Variants in PTPRT observed in about 807,000 individuals in gnomAD.
PTPRT encodes the protein receptor-type tyrosine-protein phosphatase T.
Under a neutral mutation model 176.8 loss-of-function variants are expected in PTPRT, and 56 were observed. The observed-to-expected ratio is 0.32, with a 90% confidence interval of 0.26 to 0.40. PTPRT has a LOEUF of 0.40. Among genes scored for constraint, PTPRT ranks in the 10% least tolerant of loss-of-function variants. The pLI is 1.00. For synonymous variants in PTPRT, 783 were observed against 739.0 expected (o/e 1.06, Z -0.96); for missense variants, 1,540 against 1,908.2 (o/e 0.81, Z 3.60).
intron 7 of PTPRT, among the ~76,000 whole-genome samples, chr20:42,535,561 G>A (rs189412933): frequency 4.0e-4 from 61 of 152,300 alleles, no homozygotes; most frequent in Admixed American, 3.8e-3. Flanking sequence ...ATTACTTCTA[G>A]ACAGCTAGCT....
At chr20:42,171,292 A>G (rs1990070444) in intron 16 of PTPRT, among the ~76,000 whole-genome samples, 5 of 152,202 alleles carry the variant, frequency 3.3e-5, no homozygotes, top group Admixed American at 2.6e-4. Context: ...TTGATTTGGT[A>G]AACACAGATA....
rs574411798 is a variant in PTPRT, at chr20:42,141,711, C to G, written c.2770+204G>C. 6.6e-5 allele frequency among the ~76,000 whole-genome samples: 10 copies of G among 152,162 alleles called. No homozygotes were observed. In the South Asian group the frequency reaches 1.9e-3, roughly 28 times the overall value. ...CCTGACCCATCTCCCTGCCTGCTCC[C>G]TCTGGCTGAGATCAGCCATGCTCTG... On this transcript the variant is annotated intron_variant, in intron 18 of 30. Transcript: ENST00000373187.
chr20:42,363,282 ATATATATATATATATATATTTTTTT>A (rs1425824358), intron 9 of PTPRT, among the ~76,000 whole-genome samples: 8 of 16,056 alleles, frequency 5.0e-4, no homozygotes, highest in African/African-American at 2.3e-3. Flanking sequence ...ATATATATAT[ATATATATATATATATATATTTTTTT>A]TTTTTTTTTT....
intron 1 of PTPRT, among the ~76,000 whole-genome samples, chr20:42,966,001 C>A (rs1443963485): frequency 6.6e-6 from 1 of 152,182 alleles, no homozygotes; most frequent in East Asian, 1.9e-4. Flanking sequence ...AAGACAGAAG[C>A]TATGGTCTCA....
At chr20:43,150,633 T>C (rs1422219601) in intron 1 of PTPRT, among the ~76,000 whole-genome samples, 1 of 152,100 alleles carries the variant, frequency 6.6e-6, no homozygotes, top group African/African-American at 2.4e-5. Context: ...ATTTTTGTAT[T>C]TTTGGTAGAA....
At chr20:42,442,199 A>C (rs1359955372) in intron 9 of PTPRT, among the ~76,000 whole-genome samples, 1 of 152,004 alleles carries the variant, frequency 6.6e-6, no homozygotes, top group East Asian at 1.9e-4. Context: ...TCTCTCCATC[A>C]ATGTCTGTGT....
At chr20:42,936,132 C>A (rs1176015949) in intron 1 of PTPRT, among the ~76,000 whole-genome samples, 4 of 152,098 alleles carry the variant, frequency 2.6e-5, no homozygotes, top group Admixed American at 6.5e-5. Flanking sequence ...AGGAGAAAGA[C>A]CGTAAATGGG....
chr20:42,560,573 G>A (rs1313065925), intron 7 of PTPRT, among the ~76,000 whole-genome samples: 1 of 152,120 alleles, frequency 6.6e-6, no homozygotes, highest in African/African-American at 2.4e-5. Flanking sequence ...ATTGCCTCAG[G>A]GTACATCTCT....
chr20:43,156,370 T>C (rs949304462), intron 1 of PTPRT, among the ~76,000 whole-genome samples: 3 of 152,178 alleles, frequency 2.0e-5, no homozygotes, highest in Admixed American at 2.0e-4. Context: ...GCCTGTGGTT[T>C]CCTGGGAAGT....
intron 8 of PTPRT, among the ~76,000 whole-genome samples, chr20:42,468,104 C>T (rs2071130393): frequency 6.6e-6 from 1 of 152,206 alleles, no homozygotes; most frequent in South Asian, 2.1e-4. Flanking sequence ...GCTCAGCAGC[C>T]ATGAGCTGCT....
In PTPRT at chr20:42,611,266, A is replaced by G. The variant is rs576348485; in HGVS notation, c.1153+66600T>C. The stretch of plus-strand genomic sequence containing the variant: ...AAACTGCTTTTCAAAGAGGCTGACC[A>G]TGTTACACTCACAACAACAGTGTAT... On this transcript the variant is annotated intron_variant, in intron 7 of 30. Transcript: ENST00000373187. Among the ~76,000 whole-genome samples the G allele has an allele frequency of 3.3e-5, 5 of 152,336 alleles. No individual in the cohort carries two copies. The South Asian group carries it at 1.0e-3, about 32-fold the overall frequency.
chr20:42,308,019 A>G (rs1201409154), intron 12 of PTPRT, among the ~76,000 whole-genome samples: 1 of 152,188 alleles, frequency 6.6e-6, no homozygotes, highest in Admixed American at 6.5e-5. Flanking sequence ...ATGACAGTTT[A>G]TAAGTGCTAT....
chr20:42,487,197 T>G (rs1310730460), intron 7 of PTPRT, among the ~76,000 whole-genome samples: 1 of 152,200 alleles, frequency 6.6e-6, no homozygotes, highest in Non-Finnish European at 1.5e-5. Context: ...GGAATGTGTC[T>G]CTTGGAGAGA....
chr20:42,181,899 T>TA (rs558608227), intron 16 of PTPRT, among the ~76,000 whole-genome samples: 178 of 150,726 alleles, frequency 1.2e-3, no homozygotes, highest in Middle Eastern at 3.4e-3. Flanking sequence ...GTAGTAAAAT[T>TA]AAAAAAAAAC....
chr20:42,794,251 G>A (rs2077420667), intron 2 of PTPRT, among the ~76,000 whole-genome samples: 1 of 152,070 alleles, frequency 6.6e-6, no homozygotes, highest in South Asian at 2.1e-4. Context: ...AGATAATGGG[G>A]CATGAGTATG....
intron 9 of PTPRT, among the ~76,000 whole-genome samples, chr20:42,368,593 C>T (rs578238401): frequency 5.9e-5 from 9 of 152,224 alleles, no homozygotes; most frequent in Non-Finnish European, 1.2e-4. Flanking sequence ...TTCACAAATC[C>T]CCCAAATGTG....
intron 1 of PTPRT, among the ~76,000 whole-genome samples, chr20:42,988,809 G>A (rs995116847): frequency 6.6e-6 from 1 of 152,174 alleles, no homozygotes; most frequent in East Asian, 1.9e-4. Context: ...CTAGGAATGA[G>A]GGCAACCATT....
At chr20:42,692,939 G>A (rs1339519121) in intron 6 of PTPRT, among the ~76,000 whole-genome samples, 3 of 152,066 alleles carry the variant, frequency 2.0e-5, no homozygotes, top group Admixed American at 2.0e-4. Context: ...GATGAAACTA[G>A]GTACCACAAT....
intron 11 of PTPRT, among the ~76,000 whole-genome samples, chr20:42,326,512 T>G (rs2057884335): frequency 6.6e-6 from 1 of 152,146 alleles, no homozygotes; most frequent in Non-Finnish European, 1.5e-5. Flanking sequence ...TGGAAATAAA[T>G]ACACTGTACA....
Sources: gnomAD v4.1 joint callset for allele counts (sites outside exome capture counted in the v4.1 genomes callset) on GRCh38, gnomAD v4.1.1 for gene constraint, MANE v1.5 for transcripts, NCBI Gene and HGNC (gene_info 2026-07-23, HGNC 2026-07-21) for gene names.